Variants in AASDHPPT observed in about 807,000 individuals in gnomAD.
The protein encoded by AASDHPPT is aminoadipate-semialdehyde dehydrogenase-phosphopantetheinyl transferase, also known as L-aminoadipate-semialdehyde dehydrogenase-phosphopantetheinyl transferase.
Under a neutral mutation model 36.4 loss-of-function variants are expected in AASDHPPT, and 23 were observed. The observed-to-expected ratio is 0.63, with a 90% CI of 0.45 to 0.89. The LOEUF is 0.89. Among genes scored for constraint, AASDHPPT ranks in the 40% least tolerant of loss-of-function variants. The probability of loss-of-function intolerance (pLI) is 0.00; values close to 1 mark genes in which losing one functional copy is unlikely to be tolerated. For synonymous variants in AASDHPPT, 115 were observed against 128.0 expected (o/e 0.90, Z 0.68); for missense variants, 377 against 378.2 (o/e 1.00, Z 0.03).
At position 106,091,277 on chromosome 11, in the gene AASDHPPT, C is replaced by T. The variant is rs780645631; in HGVS notation, c.532-39C>T. ...TGTAGATTCTATGAAAAATTTTTGT[C>T]CACCAAATTCTAAGAGAAAATGTCT... is the stretch of plus-strand genomic sequence containing the variant. On this transcript the variant is annotated intron_variant, in intron 3 of 5. Transcript: ENST00000278618. The T allele has an allele frequency of 1.9e-6, 3 of 1,549,962 alleles. No homozygotes were observed. In the South Asian group the frequency reaches 3.8e-5, roughly 19 times the overall value.
At chr11:106,078,515 C>T (rs1861092618) in intron 1 of AASDHPPT, among the ~76,000 whole-genome samples, 1 of 152,174 alleles carries the variant, frequency 6.6e-6, no homozygotes, top group Non-Finnish European at 1.5e-5. Context: ...GATTTCAAAA[C>T]AAGTAATCTG....
At position 106,077,665 on chromosome 11, in the gene AASDHPPT, T is replaced by C. The variant is rs762266192; in HGVS notation, c.-46T>C. ...AGAAGGGGGTGGGGCCACGTTTGCGTCCGCGCCATCAGGCCCGAGATAGCG... is the reference window on the plus strand; with the variant it reads ...AGAAGGGGGTGGGGCCACGTTTGCGCCCGCGCCATCAGGCCCGAGATAGCG... On this transcript the variant is annotated 5_prime_UTR_variant, in exon 1 of 6. Coordinates refer to ENST00000278618, the MANE Select transcript of AASDHPPT (RefSeq NM_015423.3). 25 of 1,588,892 alleles carry C rather than the reference T, an allele frequency of 1.6e-5. No homozygotes were observed. The highest frequency in any genetic ancestry group is 1.3e-4 in the African/African-American group (10 of 74,100).
intron 2 of AASDHPPT, among the ~76,000 whole-genome samples, chr11:106,081,481 C>A (rs927853829): frequency 1.3e-5 from 2 of 152,136 alleles, no homozygotes; most frequent in Admixed American, 1.3e-4. Flanking sequence ...GTGGCTTACT[C>A]TAAAAAAATT....
At chr11:106,079,779 A>T (rs1349259958) in intron 2 of AASDHPPT, 87 bp downstream of exon 2, 1 of 1,164,624 alleles carries the variant, frequency 8.6e-7, no homozygotes, top group African/African-American at 1.5e-5. Flanking sequence ...CAGGAGATGT[A>T]TTAGAGATAT....
chr11:106,097,647 A>G lies in AASDHPPT; in HGVS notation c.*740A>G, dbSNP rs978727558. 1.3e-5 allele frequency: 2 copies of G among 152,244 alleles called. No homozygotes were observed. Among genetic ancestry groups the G allele is most frequent in the African/African-American group, 4.8e-5 (2 of 41,554 alleles). The allele number at this position is 152,244 out of a possible 1,614,324, so 9.4% of individuals were successfully genotyped here. ...ACATCTTTGTAAAATTGTATCTCAA[A>G]GGCAGAAAAGGCCATTTCGTCTCTC... is the stretch of plus-strand genomic sequence containing the variant. On this transcript the variant is annotated 3_prime_UTR_variant, in exon 6 of 6. Coordinates refer to ENST00000278618, the MANE Select transcript of AASDHPPT (RefSeq NM_015423.3).
chr11:106,088,022 T>C (rs1861213677), intron 2 of AASDHPPT, among the ~76,000 whole-genome samples: 1 of 152,210 alleles, frequency 6.6e-6, no homozygotes, highest in Non-Finnish European at 1.5e-5. Context: ...TCCACCATAA[T>C]GCCACAGTGT....
intron 1 of AASDHPPT, among the ~76,000 whole-genome samples, chr11:106,078,467 TTTTAGCTA>T (rs1253930432): frequency 6.6e-6 from 1 of 152,224 alleles, no homozygotes; most frequent in African/African-American, 2.4e-5. Context: ...GATTTATTTA[TTTTAGCTA>T]TGTATTTTGA....
In AASDHPPT at chr11:106,079,465, A is replaced by G. The variant is rs1861108558; in HGVS notation, c.184-2A>G. On this transcript the variant is annotated splice_acceptor_variant, in intron 1 of 5. Transcript: ENST00000278618. LOFTEE classifies it high-confidence loss of function. ...ATACCAAATGTTTTATGTACTTAAC[A>G]GGCTGGTCGTCTGATGATAAGGAAA... is the stretch of plus-strand genomic sequence containing the variant. 1 of 1,599,732 alleles carries G rather than the reference A, an allele frequency of 6.3e-7. No homozygotes were observed. Among genetic ancestry groups the G allele is most frequent in the Non-Finnish European group, 8.5e-7 (1 of 1,171,376 alleles).
At chr11:106,088,002 C>T (rs960514195) in intron 2 of AASDHPPT, among the ~76,000 whole-genome samples, 4 of 152,122 alleles carry the variant, frequency 2.6e-5, no homozygotes. Flanking sequence ...CAATATTTGC[C>T]CACTGTATAT....
chr11:106,087,023 C>T (rs954944435), intron 2 of AASDHPPT, among the ~76,000 whole-genome samples: 2 of 152,154 alleles, frequency 1.3e-5, no homozygotes, highest in African/African-American at 4.8e-5. Context: ...GCTCTATCAG[C>T]CTGTTTCTTG....
Position 106,097,165 on chromosome 11 carries a change from GA to G in AASDHPPT, c.*265del. ...CTTAAAGTGATACATGCTAACTGTAGAAAAAAATAGAAAATGCACATAAGCA... is the reference window on the plus strand; with the variant it reads ...CTTAAAGTGATACATGCTAACTGTAGAAAAAATAGAAAATGCACATAAGCA... On this transcript the variant is annotated 3_prime_UTR_variant, in exon 6 of 6. Transcript: ENST00000278618. 3.5e-6 allele frequency: 1 copy of G among 286,738 alleles called. No individual in the cohort carries two copies. Among genetic ancestry groups the G allele is most frequent in the Non-Finnish European group, 6.4e-6 (1 of 156,966 alleles). The allele number at this position is 286,738 out of a possible 1,614,324, so 17.8% of individuals were successfully genotyped here.
chr11:106,097,146 G>A lies in AASDHPPT; in HGVS notation c.*239G>A. ...ATAGGAAGGATGGCGGAATCTTAAAGTGATACATGCTAACTGTAGAAAAAA... is the reference window on the plus strand; with the variant it reads ...ATAGGAAGGATGGCGGAATCTTAAAATGATACATGCTAACTGTAGAAAAAA... On this transcript the variant is annotated 3_prime_UTR_variant, in exon 6 of 6. Coordinates refer to ENST00000278618, the MANE Select transcript of AASDHPPT (RefSeq NM_015423.3). 5.2e-6 allele frequency: 2 copies of A among 384,112 alleles called. No individual in the cohort carries two copies. Among genetic ancestry groups the A allele is most frequent in the Non-Finnish European group, 9.2e-6 (2 of 218,416 alleles). The allele number at this position is 384,112 out of a possible 1,614,324, so 23.8% of individuals were successfully genotyped here. A position where few individuals can be genotyped will look rare whatever the true frequency, so the allele number is the denominator to read the frequency against.
chr11:106,097,035 A>C lies in AASDHPPT; in HGVS notation c.*128A>C. Reference sequence around the variant, plus strand: ...TTTTTAAAGAACAGAAACTTTTCCAATTAAAAAAAAAAAGCAGACTTCTGG... The same window carrying C: ...TTTTTAAAGAACAGAAACTTTTCCACTTAAAAAAAAAAAGCAGACTTCTGG... On this transcript the variant is annotated 3_prime_UTR_variant, in exon 6 of 6. Transcript: ENST00000278618. The C allele has an allele frequency of 1.0e-6, 1 of 970,832 alleles. No homozygotes were observed. The highest frequency in any genetic ancestry group is 1.4e-6 in the Non-Finnish European group (1 of 690,486). 60.1% of individuals were successfully genotyped at this position (970,832 alleles called of 1,614,324 possible).
intron 2 of AASDHPPT, among the ~76,000 whole-genome samples, chr11:106,079,995 A>G (rs1341527984): frequency 1.3e-5 from 2 of 152,220 alleles, no homozygotes; most frequent in Non-Finnish European, 2.9e-5. Flanking sequence ...CTTAAACATT[A>G]ACCACAATTT....
chr11:106,092,414 T>G (rs1296031065), intron 4 of AASDHPPT: 1 of 152,032 alleles, frequency 6.6e-6, no homozygotes, highest in East Asian at 1.9e-4. Context: ...ATACCAAACA[T>G]CTAAGTGAAG....
intron 2 of AASDHPPT, among the ~76,000 whole-genome samples, chr11:106,081,355 C>A (rs1861138816): frequency 6.6e-6 from 1 of 152,142 alleles, no homozygotes. Flanking sequence ...TGATCTGATT[C>A]CCTGGATAAG....
rs1293545856 is a variant in AASDHPPT at position 106,098,091 on chromosome 11, G to A, written c.*1184G>A. The A allele has an allele frequency of 2.0e-5, 3 of 152,122 alleles. No homozygotes were observed. The highest frequency in any genetic ancestry group is 3.9e-4 in the East Asian group (2 of 5,178). 9.4% of individuals were successfully genotyped at this position (152,122 alleles called of 1,614,324 possible). ...CCTCTAATTAGTACTATATGTATGT[G>A]ACTTCCCTCCCCCTGCCAGAATACT... On this transcript the variant is annotated 3_prime_UTR_variant, in exon 6 of 6. Coordinates refer to ENST00000278618, the MANE Select transcript of AASDHPPT (RefSeq NM_015423.3).
intron 4 of AASDHPPT, chr11:106,093,424 T>C (rs2135044854): frequency 6.6e-6 from 1 of 152,302 alleles, no homozygotes; most frequent in South Asian, 2.1e-4. Flanking sequence ...GTTACTTTTT[T>C]CTTGTTTGTT....
chr11:106,095,309 T>A (rs984957427), intron 5 of AASDHPPT, among the ~76,000 whole-genome samples: 4 of 152,198 alleles, frequency 2.6e-5, no homozygotes, highest in African/African-American at 9.6e-5. Context: ...AGTACCACGT[T>A]GAAGGTTGAT....
Sources: gnomAD v4.1 joint callset for allele counts (sites outside exome capture counted in the v4.1 genomes callset) on GRCh38, gnomAD v4.1.1 for gene constraint, MANE v1.5 for transcripts, NCBI Gene and HGNC (gene_info 2026-07-23, HGNC 2026-07-21) for gene names.